The following CSMD3 variants were observed in gnomAD, a reference collection of about 807,000 sequenced individuals.
The protein encoded by CSMD3 is CUB and sushi domain-containing protein 3.
In CSMD3, 177 loss-of-function variants were observed where a neutral mutation model predicts 435.2. The observed-to-expected ratio is 0.41, with a 90% CI of 0.36 to 0.46. The LOEUF is 0.46. Among genes scored for constraint, CSMD3 ranks in the 20% least tolerant of loss-of-function variants. The probability of loss-of-function intolerance (pLI) is 0.34; values close to 1 mark genes in which losing one functional copy is unlikely to be tolerated. For synonymous variants in CSMD3, 1,656 were observed against 1,520.5 expected (o/e 1.09, Z -2.07); for missense variants, 4,265 against 4,504.6 (o/e 0.95, Z 1.52).
At chr8:112,366,490 C>T (rs1344076436) in intron 38 of CSMD3, among the ~76,000 whole-genome samples, 3 of 152,228 alleles carry the variant, frequency 2.0e-5, no homozygotes, top group South Asian at 2.1e-4. Flanking sequence ...CTCTGCCTCC[C>T]GGGTTCAAGG....
chr8:113,347,418 G>A (rs191897353), intron 1 of CSMD3, among the ~76,000 whole-genome samples: 4 of 152,236 alleles, frequency 2.6e-5, no homozygotes, highest in Middle Eastern at 3.4e-3. Context: ...ATTGAAAGGC[G>A]TGTAAAGGTG....
At chr8:112,907,302 G>A (rs1483954815) in intron 10 of CSMD3, among the ~76,000 whole-genome samples, 1 of 151,398 alleles carries the variant, frequency 6.6e-6, no homozygotes, top group Non-Finnish European at 1.5e-5. Flanking sequence ...TTGAAAAGCT[G>A]AACTGAAATT....
chr8:112,694,490 G>A (rs1294385571), intron 13 of CSMD3, among the ~76,000 whole-genome samples: 1 of 151,988 alleles, frequency 6.6e-6, no homozygotes, highest in East Asian at 1.9e-4. Flanking sequence ...GAGAGTGAGT[G>A]TTAATCTATT....
At chr8:113,029,754 T>G (rs2087013153) in intron 5 of CSMD3, among the ~76,000 whole-genome samples, 1 of 151,468 alleles carries the variant, frequency 6.6e-6, no homozygotes, top group African/African-American at 2.4e-5. Context: ...CTCTTCAACA[T>G]AGTACTGGAA....
At chr8:112,873,981 G>C (rs751474240) in intron 10 of CSMD3, among the ~76,000 whole-genome samples, 1 of 151,990 alleles carries the variant, frequency 6.6e-6, no homozygotes, top group Non-Finnish European at 1.5e-5. Flanking sequence ...TGCTTCTCTA[G>C]TTCTTTTAAT....
intron 4 of CSMD3, among the ~76,000 whole-genome samples, chr8:113,142,744 A>G (rs1401745845): frequency 6.6e-6 from 1 of 151,094 alleles, no homozygotes; most frequent in Non-Finnish European, 1.5e-5. Flanking sequence ...CTAAAAAAGA[A>G]TAATTGCATC....
chr8:113,054,347 G>A (rs956017274), intron 5 of CSMD3, among the ~76,000 whole-genome samples: 3 of 152,002 alleles, frequency 2.0e-5, no homozygotes, highest in South Asian at 2.1e-4. Flanking sequence ...CTACAAGTAC[G>A]TCGACACTCA....
intron 6 of CSMD3, among the ~76,000 whole-genome samples, chr8:113,001,239 T>TA (rs1046552855): frequency 2.2e-4 from 34 of 152,164 alleles, no homozygotes; most frequent in African/African-American, 8.2e-4. Flanking sequence ...AGCTTAAACA[T>TA]ATTTTCCCTC....
chr8:113,291,044 T>C (rs1181589140), intron 2 of CSMD3, among the ~76,000 whole-genome samples: 1 of 151,548 alleles, frequency 6.6e-6, no homozygotes, highest in Non-Finnish European at 1.5e-5. Context: ...AATTACATAA[T>C]AATGTCTTCA....
rs192452364 is a variant in CSMD3 at position 113,421,797 on chromosome 8, C to G, written c.178+14880G>C. 5.9e-5 allele frequency among the ~76,000 whole-genome samples: 9 copies of G among 152,146 alleles called. No homozygotes were observed. In the East Asian group the frequency reaches 1.7e-3, roughly 29 times the overall value. ...AAAAGGAATGCAACTGATGTAATAC[C>G]CAGGAAACAGCCAGGAAAGATCTAT... On this transcript the variant is annotated intron_variant, in intron 1 of 70. Coordinates refer to ENST00000297405, the MANE Select transcript of CSMD3 (RefSeq NM_198123.2).
At chr8:112,600,019 A>AT (rs991031582) in intron 22 of CSMD3, among the ~76,000 whole-genome samples, 2 of 149,634 alleles carry the variant, frequency 1.3e-5, no homozygotes, top group African/African-American at 2.5e-5. Context: ...TAAAGTATAT[A>AT]TATAAAAAAA....
intron 3 of CSMD3, among the ~76,000 whole-genome samples, chr8:113,269,257 G>A (rs529094398): frequency 3.9e-5 from 6 of 152,074 alleles, no homozygotes; most frequent in Admixed American, 6.6e-5. Flanking sequence ...TACAAGGGAC[G>A]AGAAGGACCT....
intron 41 of CSMD3, among the ~76,000 whole-genome samples, chr8:112,342,987 T>TTATATATATATATTTATA (rs1825290569): frequency 4.2e-5 from 2 of 47,316 alleles, no homozygotes; most frequent in Admixed American, 3.4e-4. Context: ...ATATATATAT[T>TTATATATATATATTTATA]TATATATATA....
At chr8:112,603,772 G>T (rs1388954254) in intron 22 of CSMD3, among the ~76,000 whole-genome samples, 1 of 151,870 alleles carries the variant, frequency 6.6e-6, no homozygotes, top group Non-Finnish European at 1.5e-5. Flanking sequence ...TCTCCAAAAA[G>T]TTTTCTAATA....
chr8:113,108,727 A>G (rs1182408058), intron 4 of CSMD3, among the ~76,000 whole-genome samples: 1 of 152,200 alleles, frequency 6.6e-6, no homozygotes, highest in Non-Finnish European at 1.5e-5. Flanking sequence ...CATTTTTAAT[A>G]TAATAAAATT....
chr8:112,581,283 T>TCCCTAAAG (rs1314864715), intron 23 of CSMD3, among the ~76,000 whole-genome samples: 1 of 152,050 alleles, frequency 6.6e-6, no homozygotes, highest in Non-Finnish European at 1.5e-5. Flanking sequence ...GGTTTACCTG[T>TCCCTAAAG]CCCTAAAGCC....
intron 5 of CSMD3, among the ~76,000 whole-genome samples, chr8:113,072,267 T>C (rs1278748522): frequency 6.6e-6 from 1 of 151,860 alleles, no homozygotes. Context: ...TTACTTCTTC[T>C]TATTTAGATG....
intron 3 of CSMD3, among the ~76,000 whole-genome samples, chr8:113,216,143 T>C (rs1326890841): frequency 6.6e-6 from 1 of 151,838 alleles, no homozygotes; most frequent in Non-Finnish European, 1.5e-5. Flanking sequence ...ATATGTTTTG[T>C]GATTTCAAAA....
intron 1 of CSMD3, among the ~76,000 whole-genome samples, chr8:113,379,957 A>G (rs192761819): frequency 1.7e-3 from 256 of 152,308 alleles, no homozygotes; most frequent in South Asian, 9.5e-3. Context: ...AGCAATGCAA[A>G]CTAATTCCTG....
Sources: gnomAD v4.1 joint callset for allele counts (sites outside exome capture counted in the v4.1 genomes callset) on GRCh38, gnomAD v4.1.1 for gene constraint, MANE v1.5 for transcripts, NCBI Gene and HGNC (gene_info 2026-07-23, HGNC 2026-07-21) for gene names.